The following SPG21 variants were observed in gnomAD, a reference collection of about 807,000 sequenced individuals.
The protein encoded by SPG21 is SPG21 abhydrolase domain containing, maspardin, also known as maspardin.
A neutral mutation model predicts 38.9 loss-of-function variants in SPG21; 26 were observed. The ratio of observed to expected loss-of-function variants is 0.67; its 90% CI spans 0.49 to 0.93. SPG21 has a LOEUF of 0.93. Ranked by LOEUF, SPG21 falls within the 40% of genes least tolerant of loss-of-function variation. The pLI is 0.00. For synonymous variants in SPG21, 136 were observed against 128.9 expected (o/e 1.05, Z -0.37); for missense variants, 333 against 376.5 (o/e 0.88, Z 0.96).
intron 3 of SPG21, among the ~76,000 whole-genome samples, chr15:64,977,168 G>A (rs1028834184): frequency 4.0e-5 from 6 of 151,360 alleles, no homozygotes; most frequent in African/African-American, 1.5e-4. Context: ...GGGTTTGAAC[G>A]ATTCTCCTAC....
At chr15:64,981,287 T>G in intron 2 of SPG21, 2 of 339,706 alleles carry the variant, frequency 5.9e-6, no homozygotes, top group Non-Finnish European at 1.1e-5. Flanking sequence ...TTCCCCCTCC[T>G]CCTTTTTTTT....
intron 7 of SPG21, among the ~76,000 whole-genome samples, chr15:64,967,070 G>T (rs2085553631): frequency 1.3e-5 from 2 of 151,494 alleles, no homozygotes; most frequent in Admixed American, 6.6e-5. Flanking sequence ...CAGAAATAAG[G>T]GTCCAGGATA....
In SPG21 at chr15:64,980,847, T is replaced by C. The variant is rs767167039; in HGVS notation, c.225+17A>G. 8 of 1,613,212 alleles carry C rather than the reference T, an allele frequency of 5.0e-6. No individual in the cohort carries two copies. The highest frequency in any genetic ancestry group is 3.3e-5 in the Admixed American group (2 of 59,896). On this transcript the variant is annotated intron_variant, in intron 3 of 8. Coordinates refer to ENST00000204566, the MANE Select transcript of SPG21 (RefSeq NM_016630.7). ...ACACACAAAACGTGGGTCTGAATTT[T>C]AATCAGTAATACTTACAGCGATAAC...
intron 3 of SPG21, among the ~76,000 whole-genome samples, chr15:64,978,263 C>A (rs1267647775): frequency 6.6e-6 from 1 of 151,802 alleles, no homozygotes; most frequent in Non-Finnish European, 1.5e-5. Flanking sequence ...GCCTGGACAA[C>A]ATGGTGAAAC....
intron 3 of SPG21, among the ~76,000 whole-genome samples, chr15:64,978,827 G>C (rs1595876329): frequency 6.6e-6 from 1 of 152,142 alleles, no homozygotes; most frequent in Non-Finnish European, 1.5e-5. Flanking sequence ...AGCAGAACTG[G>C]GGAAGCCTGA....
In SPG21 at chr15:64,963,698, G is replaced by T. The variant is rs1297390082; in HGVS notation, c.849C>A (p.Ala283=). ...CGGCACTGACCATTGATGGGTCAAT[G>T]GCCGCGTATTTGGTTCCATGGAATT... ...LLQFHGTKYA[A]IDPSMVSAEE... The change falls in exon 9 of 9, where the codon GCC becomes GCA. Residue 283 remains alanine, a synonymous_variant. Coordinates refer to ENST00000204566, the MANE Select transcript of SPG21 (RefSeq NM_016630.7). 3 of 1,614,008 alleles carry T rather than the reference G, an allele frequency of 1.9e-6. No individual in the cohort carries two copies. Among genetic ancestry groups the T allele is most frequent in the African/African-American group, 1.3e-5 (1 of 74,926 alleles).
rs567037314 is a variant in SPG21 at position 64,983,304 on chromosome 15, T to C, written c.63+203A>G. 74 of 405,498 alleles carry C rather than the reference T, an allele frequency of 1.8e-4. No individual in the cohort carries two copies. The East Asian group carries it at 2.8e-3, about 16-fold the overall frequency. 25.1% of individuals were successfully genotyped at this position (405,498 alleles called of 1,614,324 possible). Reference sequence around the variant, plus strand: ...AATAAATAAATAAAAATGAGTACAGTTACACTTGCTTTCACTCTAAAATGA... The same window carrying C: ...AATAAATAAATAAAAATGAGTACAGCTACACTTGCTTTCACTCTAAAATGA... On this transcript the variant is annotated intron_variant, in intron 2 of 8. Transcript: ENST00000204566.
At position 64,974,611 on chromosome 15, in the gene SPG21, G is replaced by A. The variant is rs1415515803; in HGVS notation, c.443C>T (p.Thr148Ile). ...SDTSIFNQTW[T>I]ANSFWLMPAF... ...GTAATTTTGTTCTTACCTGTTTGCA[G>A]TCCAAGTTTGGTTGAAGATAGAGGT... The change falls in exon 5 of 9, where the codon ACT becomes ATT. Residue 148 changes from threonine (T) to isoleucine (I), a missense_variant. Coordinates refer to ENST00000204566, the MANE Select transcript of SPG21 (RefSeq NM_016630.7). 2.5e-6 allele frequency: 4 copies of A among 1,614,174 alleles called. No homozygotes were observed. Among genetic ancestry groups the A allele is most frequent in the Admixed American group, 1.7e-5 (1 of 60,020 alleles).
At chr15:64,964,600 T>C (rs1411328816) in intron 8 of SPG21, among the ~76,000 whole-genome samples, 1 of 151,840 alleles carries the variant, frequency 6.6e-6, no homozygotes, top group African/African-American at 2.4e-5. Context: ...TTAGTTAGAG[T>C]ATGAAGGGAT....
At chr15:64,969,789 C>T (rs1054769223) in intron 6 of SPG21, among the ~76,000 whole-genome samples, 2 of 151,026 alleles carry the variant, frequency 1.3e-5, no homozygotes, top group Admixed American at 1.3e-4. Flanking sequence ...AGACCTGGTT[C>T]ATCAGATTTA....
In SPG21 at chr15:64,963,705, T is replaced by TA; in HGVS notation, c.841dup (p.Tyr281LeufsTer5). On this transcript the variant is annotated frameshift_variant, in exon 9 of 9. Transcript: ENST00000204566. LOFTEE classifies it high-confidence loss of function. ...GACCATTGATGGGTCAATGGCCGCG[T>TA]ATTTGGTTCCATGGAATTGCAGCAA... 1 of 1,614,178 alleles carries TA rather than the reference T, an allele frequency of 6.2e-7. No homozygotes were observed. The highest frequency in any genetic ancestry group is 8.5e-7 in the Non-Finnish European group (1 of 1,180,034).
Sources: allele counts gnomAD v4.1 joint callset (sites outside exome capture counted in the v4.1 genomes callset), GRCh38; gene constraint gnomAD v4.1.1; transcripts MANE v1.5; gene names NCBI Gene and HGNC (gene_info 2026-07-23, HGNC 2026-07-21).